KIAA1328: variants seen among roughly 807,000 people sequenced by gnomAD.
KIAA1328 encodes KIAA1328, also known as protein hinderin.
In KIAA1328, 52 loss-of-function variants were observed where a neutral mutation model predicts 68.1. The ratio of observed to expected loss-of-function variants is 0.76; its 90% confidence interval spans 0.61 to 0.96. The LOEUF is 0.96. Ranked by LOEUF, KIAA1328 falls within the 40% of genes least tolerant of loss-of-function variation. The pLI is 0.00. For missense variants in KIAA1328, 641 were observed against 677.6 expected, an observed-to-expected ratio of 0.95 and a Z score of 0.60; for synonymous variants, 232 against 239.4, an observed-to-expected ratio of 0.97 and a Z score of 0.28.
At chr18:36,843,426 T>C (rs1256628975) in intron 3 of KIAA1328, among the ~76,000 whole-genome samples, 1 of 152,188 alleles carries the variant, frequency 6.6e-6, no homozygotes, top group Non-Finnish European at 1.5e-5. Context: ...CTCCTTCCTT[T>C]TACATGTTAC....
chr18:36,893,561 A>T (rs2048773455), intron 5 of KIAA1328, among the ~76,000 whole-genome samples: 1 of 150,850 alleles, frequency 6.6e-6, no homozygotes, highest in African/African-American at 2.4e-5. Context: ...GGCTCAAGTG[A>T]TCCTCCCGTC....
At chr18:37,126,160 G>C (rs1323803251) in intron 7 of KIAA1328, among the ~76,000 whole-genome samples, 1 of 151,964 alleles carries the variant, frequency 6.6e-6, no homozygotes, top group Admixed American at 6.6e-5. Context: ...TTACCTTTAG[G>C]CTTTGTATAT....
At chr18:37,083,310 A>G (rs370688998) in intron 7 of KIAA1328, among the ~76,000 whole-genome samples, 1 of 152,234 alleles carries the variant, frequency 6.6e-6, no homozygotes, top group Non-Finnish European at 1.5e-5. Flanking sequence ...TAATCCATGT[A>G]CTTTGTACAT....
intron 7 of KIAA1328, among the ~76,000 whole-genome samples, chr18:37,105,910 C>CT (rs2057757518): frequency 2.1e-5 from 1 of 47,994 alleles, no homozygotes; most frequent in Non-Finnish European, 3.4e-5. Context: ...GAGCAAGACT[C>CT]TGTGTCAAAA....
chr18:37,202,684 A>T (rs2060136777), intron 9 of KIAA1328, among the ~76,000 whole-genome samples: 1 of 152,180 alleles, frequency 6.6e-6, no homozygotes, highest in South Asian at 2.1e-4. Context: ...ATGATTGATG[A>T]CATATACCAA....
In KIAA1328 at chr18:36,937,338, A is replaced by G. The variant is rs564210530; in HGVS notation, c.449-21970A>G. ...GACAAAAACGCCAAAAGCAATTGCA[A>G]CAAAAGCCAAAATTGACAAATGGGA... On this transcript the variant is annotated intron_variant, in intron 5 of 9. Transcript: ENST00000280020. Among the ~76,000 whole-genome samples, 186 of 152,366 alleles carry G rather than the reference A, an allele frequency of 1.2e-3. 1 individual carries two copies. The highest frequency in any genetic ancestry group is 4.4e-3 in the African/African-American group (183 of 41,596).
At chr18:37,126,423 G>A (rs367609462) in intron 7 of KIAA1328, among the ~76,000 whole-genome samples, 8 of 152,066 alleles carry the variant, frequency 5.3e-5, no homozygotes, top group Admixed American at 4.6e-4. Flanking sequence ...GTGAATATCT[G>A]ATCAGATTAT....
chr18:37,091,135 A>T (rs539998968), intron 7 of KIAA1328, among the ~76,000 whole-genome samples: 1 of 152,328 alleles, frequency 6.6e-6, no homozygotes, highest in African/African-American at 2.4e-5. Context: ...AAAACACAAA[A>T]GAATAGTTCA....
At chr18:36,925,595 G>A (rs531207229) in intron 5 of KIAA1328, among the ~76,000 whole-genome samples, 22 of 150,736 alleles carry the variant, frequency 1.5e-4, no homozygotes, top group Admixed American at 7.9e-4. Context: ...GGAGTGCAGT[G>A]GTGCCATCAA....
chr18:37,208,086 G>C (rs1828825941), intron 9 of KIAA1328, among the ~76,000 whole-genome samples: 1 of 152,164 alleles, frequency 6.6e-6, no homozygotes. Context: ...TAGGATTACA[G>C]ATGTGAGCCA....
intron 7 of KIAA1328, among the ~76,000 whole-genome samples, chr18:37,096,760 G>A (rs1599249578): frequency 6.6e-6 from 1 of 152,144 alleles, no homozygotes; most frequent in East Asian, 1.9e-4. Context: ...TTTAATGATT[G>A]CCATTCTAAC....
Position 37,222,820 on chromosome 18 carries a change from A to T in KIAA1328, c.*593A>T. 1 of 991,672 alleles carries T rather than the reference A, an allele frequency of 1.0e-6. No homozygotes were observed. The highest frequency in any genetic ancestry group is 1.2e-6 in the Non-Finnish European group (1 of 834,230). 61.4% of individuals were successfully genotyped at this position (991,672 alleles called of 1,614,324 possible). On this transcript the variant is annotated 3_prime_UTR_variant, in exon 10 of 10. Coordinates refer to ENST00000280020, the MANE Select transcript of KIAA1328 (RefSeq NM_020776.3). Reference sequence around the variant, plus strand: ...GTAGCCATCAGCCTGGCAGCTGCCCATCCCATAACCAAAGAGCTCAATGGG... The same window carrying T: ...GTAGCCATCAGCCTGGCAGCTGCCCTTCCCATAACCAAAGAGCTCAATGGG...
chr18:36,939,950 T>G (rs2050643866), intron 5 of KIAA1328, among the ~76,000 whole-genome samples: 1 of 152,164 alleles, frequency 6.6e-6, no homozygotes, highest in African/African-American at 2.4e-5. Context: ...GGAATTAACA[T>G]TTAGACATAT....
intron 4 of KIAA1328, among the ~76,000 whole-genome samples, chr18:36,873,017 C>T (rs909233413): frequency 1.3e-5 from 2 of 152,166 alleles, no homozygotes; most frequent in Non-Finnish European, 2.9e-5. Context: ...ATGAAAGATT[C>T]ATCCTTGCTT....
chr18:37,121,732 A>G (rs1218673175), intron 7 of KIAA1328, among the ~76,000 whole-genome samples: 2 of 152,182 alleles, frequency 1.3e-5, no homozygotes, highest in Non-Finnish European at 2.9e-5. Flanking sequence ...AACTCTGAAC[A>G]TATTATTTAG....
chr18:36,831,830 A>G (rs1035365705), intron 1 of KIAA1328, among the ~76,000 whole-genome samples: 3 of 152,198 alleles, frequency 2.0e-5, no homozygotes, highest in African/African-American at 7.2e-5. Context: ...GGTCTGGGAT[A>G]GAGGTGCATC....
chr18:37,095,503 A>G (rs917890871), intron 7 of KIAA1328, among the ~76,000 whole-genome samples: 2 of 152,234 alleles, frequency 1.3e-5, no homozygotes, highest in Admixed American at 1.3e-4. Context: ...GAGGAAATTA[A>G]GAAGGATATA....
chr18:37,162,942 T>C (rs938911551), intron 8 of KIAA1328, among the ~76,000 whole-genome samples: 4 of 151,746 alleles, frequency 2.6e-5, no homozygotes, highest in Admixed American at 1.3e-4. Context: ...ATAGCAAAGA[T>C]ATGTACAGTA....
intron 6 of KIAA1328, among the ~76,000 whole-genome samples, chr18:37,010,094 G>A (rs2053920719): frequency 1.3e-5 from 2 of 152,064 alleles, no homozygotes; most frequent in African/African-American, 4.8e-5. Flanking sequence ...ATAACATCTT[G>A]CAAAATATCA....
Sources: gnomAD v4.1 joint callset for allele counts (sites outside exome capture counted in the v4.1 genomes callset) on GRCh38, gnomAD v4.1.1 for gene constraint, MANE v1.5 for transcripts, NCBI Gene and HGNC (gene_info 2026-07-23, HGNC 2026-07-21) for gene names.